Variants in CADPS observed in about 807,000 individuals in gnomAD.
CADPS encodes calcium-dependent secretion activator 1.
CADPS carries 57 observed loss-of-function variants against 167.3 expected under a neutral mutation model. The observed-to-expected ratio is 0.34, with a 90% CI of 0.28 to 0.42. CADPS has a LOEUF of 0.42. Ranked by LOEUF, CADPS falls within the 20% of genes least tolerant of loss-of-function variation. The pLI, the probability that CADPS is intolerant of heterozygous loss-of-function variation, is 1.00. For synonymous variants in CADPS, 676 were observed against 635.3 expected, an observed-to-expected ratio of 1.06 and a Z score of -0.96; for missense variants, 1,414 against 1,738.1, an observed-to-expected ratio of 0.81 and a Z score of 3.32.
intron 1 of CADPS, among the ~76,000 whole-genome samples, chr3:62,789,322 C>A (rs73108320): frequency 0.17 from 26,498 of 152,106 alleles, 2,669 homozygotes; most frequent in Middle Eastern, 0.3. Context: ...CAAAGTCACA[C>A]AGCCAGAATG....
chr3:62,604,919 T>C (rs2060482992), intron 6 of CADPS, among the ~76,000 whole-genome samples: 1 of 152,234 alleles, frequency 6.6e-6, no homozygotes, highest in Non-Finnish European at 1.5e-5. Context: ...TATTCCCTCC[T>C]CTCAGCAATT....
chr3:62,611,367 A>T (rs953019669), intron 6 of CADPS, among the ~76,000 whole-genome samples: 6 of 151,814 alleles, frequency 4.0e-5, no homozygotes, highest in Admixed American at 2.0e-4. Flanking sequence ...CACCACTTAC[A>T]CTCATTCCAC....
intron 28 of CADPS, among the ~76,000 whole-genome samples, chr3:62,430,571 C>G (rs1033352144): frequency 6.6e-6 from 1 of 151,978 alleles, no homozygotes; most frequent in African/African-American, 2.4e-5. Context: ...AGGTTCACTT[C>G]CAAGAATCCA....
Position 62,478,958 on chromosome 3 carries a change from G to A in CADPS, c.3174-542C>T, listed in dbSNP as rs2061636086. Among the ~76,000 whole-genome samples the A allele has an allele frequency of 6.6e-6, 1 of 152,178 alleles. No individual in the cohort carries two copies. The highest frequency in any genetic ancestry group is 1.5e-5 in the Non-Finnish European group (1 of 68,036). On this transcript the variant is annotated intron_variant, in intron 22 of 29. Transcript: ENST00000383710. The surrounding 1 kb of genome is among the most constrained non-coding windows in gnomAD (Gnocchi z 5.7). ...CTTGAAGAGCTGGAAAGAAATTAGG[G>A]TGACTCAGATCAAGAGGGGTACACC...
At chr3:62,566,842 C>A (rs975828096) in intron 9 of CADPS, among the ~76,000 whole-genome samples, 3 of 152,038 alleles carry the variant, frequency 2.0e-5, no homozygotes, top group African/African-American at 7.2e-5. Context: ...CCCAACATAC[C>A]TTGACAGCTC....
Position 62,806,438 on chromosome 3 carries a change from A to G in CADPS, c.442-40454T>C, listed in dbSNP as rs550975176. Among the ~76,000 whole-genome samples the G allele has an allele frequency of 3.9e-5, 6 of 151,902 alleles. No individual in the cohort carries two copies. In the South Asian group the frequency reaches 1.2e-3, roughly 32 times the overall value. ...TCCTAGTTACTCAGAAGGCTGAGGCAGGAAGATTGCTTGAGTATGGGAGAT... is the reference window on the plus strand; with the variant it reads ...TCCTAGTTACTCAGAAGGCTGAGGCGGGAAGATTGCTTGAGTATGGGAGAT... On this transcript the variant is annotated intron_variant, in intron 1 of 29. Transcript: ENST00000383710.
intron 1 of CADPS, among the ~76,000 whole-genome samples, chr3:62,800,809 A>G (rs1189125698): frequency 1.3e-5 from 2 of 152,188 alleles, no homozygotes; most frequent in Non-Finnish European, 2.9e-5. Context: ...AAAAAGATTA[A>G]AACATCTTTC....
At chr3:62,818,638 G>C (rs1368818933) in intron 1 of CADPS, among the ~76,000 whole-genome samples, 2 of 152,158 alleles carry the variant, frequency 1.3e-5, no homozygotes, top group East Asian at 1.9e-4. Context: ...TGGCAGATGA[G>C]ATAAACATAT....
At chr3:62,699,513 A>T (rs1174481495) in intron 3 of CADPS, among the ~76,000 whole-genome samples, 1 of 152,150 alleles carries the variant, frequency 6.6e-6, no homozygotes, top group Non-Finnish European at 1.5e-5. Context: ...GTCAGAATTA[A>T]TAAACATTGT....
chr3:62,512,921 A>G (rs2068148476), intron 16 of CADPS, among the ~76,000 whole-genome samples, 153 bp from the exon 17 acceptor site: 1 of 152,126 alleles, frequency 6.6e-6, no homozygotes, highest in South Asian at 2.1e-4. Flanking sequence ...CACCGCCCCA[A>G]AGTTTGGGGG....
At chr3:62,579,788 G>A (rs940596403) in intron 8 of CADPS, among the ~76,000 whole-genome samples, 2 of 149,332 alleles carry the variant, frequency 1.3e-5, no homozygotes, top group African/African-American at 2.5e-5. Context: ...TCCTGCATTC[G>A]AGTGGCAGGA....
At chr3:62,545,601 T>C (rs924280166) in intron 11 of CADPS, among the ~76,000 whole-genome samples, 2 of 152,156 alleles carry the variant, frequency 1.3e-5, no homozygotes, top group Non-Finnish European at 2.9e-5. Flanking sequence ...CACAAACTAA[T>C]GAATAGCAGG....
At chr3:62,509,291 C>CAA (rs756659299) in intron 17 of CADPS, among the ~76,000 whole-genome samples, 22 of 103,106 alleles carry the variant, frequency 2.1e-4, no homozygotes, top group Middle Eastern at 5.6e-3. Flanking sequence ...GACTCTGTCT[C>CAA]AAAAAAAAAA....
chr3:62,435,432 A>C (rs570019270), intron 28 of CADPS, among the ~76,000 whole-genome samples: 3 of 152,316 alleles, frequency 2.0e-5, no homozygotes, highest in Admixed American at 1.3e-4. Flanking sequence ...TTATAGAAAA[A>C]CAGTAAGTAC....
At chr3:62,600,071 G>C (rs1257709848) in intron 6 of CADPS, among the ~76,000 whole-genome samples, 1 of 146,700 alleles carries the variant, frequency 6.8e-6, no homozygotes, top group Non-Finnish European at 1.5e-5. Flanking sequence ...GGATTGTAGA[G>C]AGGTGAGACA....
At chr3:62,589,149 AATG>A (rs2085348610) in intron 7 of CADPS, among the ~76,000 whole-genome samples, 1 of 152,230 alleles carries the variant, frequency 6.6e-6, no homozygotes, top group African/African-American at 2.4e-5. Context: ...TGAATAAGTA[AATG>A]TAACGCCAGG....
intron 3 of CADPS, among the ~76,000 whole-genome samples, chr3:62,679,562 C>T (rs1172825755): frequency 6.6e-6 from 1 of 151,990 alleles, no homozygotes; most frequent in Non-Finnish European, 1.5e-5. Flanking sequence ...CTCATGAGAG[C>T]ACCAGCACTT....
intron 10 of CADPS, among the ~76,000 whole-genome samples, chr3:62,555,421 C>T (rs1416835130): frequency 6.6e-6 from 1 of 152,242 alleles, no homozygotes; most frequent in Non-Finnish European, 1.5e-5. Flanking sequence ...CATAGCTTTG[C>T]TATAGCTGTT....
At chr3:62,790,250 T>C (rs572900126) in intron 1 of CADPS, among the ~76,000 whole-genome samples, 2 of 152,316 alleles carry the variant, frequency 1.3e-5, no homozygotes, top group African/African-American at 4.8e-5. Flanking sequence ...TCACCAACTT[T>C]ATAGTAGTAT....
Sources: gnomAD v4.1 joint callset for allele counts (sites outside exome capture counted in the v4.1 genomes callset) on GRCh38, gnomAD v4.1.1 for gene constraint, Gnocchi (gnomAD v3.1) non-coding constraint, MANE v1.5 for transcripts, NCBI Gene and HGNC (gene_info 2026-07-23, HGNC 2026-07-21) for gene names.